The following USP33 variants were observed in gnomAD, a reference collection of about 807,000 sequenced individuals.
The protein encoded by USP33 is ubiquitin specific peptidase 33, also known as ubiquitin carboxyl-terminal hydrolase 33.
A neutral mutation model predicts 124.2 loss-of-function variants in USP33; 46 were observed. The ratio of observed to expected loss-of-function variants is 0.37; its 90% CI spans 0.29 to 0.47. The LOEUF (loss-of-function observed/expected upper bound fraction) is 0.47. USP33 is among the 20% of genes least tolerant of loss of function. USP33 has a pLI of 0.99. For synonymous variants in USP33, 350 were observed against 352.3 expected, an observed-to-expected ratio of 0.99 and a Z score of 0.07; for missense variants, 851 against 1,070.6, an observed-to-expected ratio of 0.79 and a Z score of 2.86.
At chr1:77,758,348 T>C (rs984441572) in intron 1 of USP33, among the ~76,000 whole-genome samples, 4 of 152,028 alleles carry the variant, frequency 2.6e-5, no homozygotes, top group African/African-American at 9.7e-5. Flanking sequence ...GCCCGGCTAA[T>C]TTTTTGTAAT....
rs573637579 is a variant in USP33, at chr1:77,719,232, G to A, written c.1692-591C>T. ...AAATTAGCCGGGCATGGTGGCGCAC[G>A]CCTGTAGTCCCAGCTATTCATGAGG... On this transcript the variant is annotated intron_variant, in intron 15 of 23. Coordinates refer to ENST00000370794, the MANE Select transcript of USP33 (RefSeq NM_201624.3). 9.2e-5 allele frequency among the ~76,000 whole-genome samples: 14 copies of A among 152,188 alleles called. No homozygotes were observed. In the East Asian group the frequency reaches 1.7e-3, roughly 19 times the overall value.
chr1:77,719,849 C>A (rs1676353654), intron 15 of USP33, among the ~76,000 whole-genome samples: 1 of 128,638 alleles, frequency 7.8e-6, no homozygotes, highest in South Asian at 2.7e-4. Flanking sequence ...GCAAGGCTCC[C>A]TCTCAAGAAA....
At chr1:77,720,192 AAACCTTTATTCTTACATGTGG>A in intron 15 of USP33, 5 of 461,900 alleles carry the variant, frequency 1.1e-5, no homozygotes, top group Non-Finnish European at 1.4e-5. Context: ...AAAAAAAAAA[AAACCTTTATTCTTACATGTGG>A]AAAAAAAGAT....
intron 8 of USP33, 102 bp downstream of exon 8, chr1:77,730,516 T>C (rs1391581194): frequency 2.4e-6 from 2 of 817,358 alleles, no homozygotes; most frequent in African/African-American, 1.8e-5. Context: ...TCTATCTCTC[T>C]TCTACTTTTT....
At chr1:77,753,224 C>T (rs1680503416) in intron 1 of USP33, among the ~76,000 whole-genome samples, 7 of 152,036 alleles carry the variant, frequency 4.6e-5, no homozygotes, top group Admixed American at 4.6e-4. Flanking sequence ...ATTCTAGACC[C>T]TTGAAGAAGT....
At chr1:77,708,980 T>C (rs1218484756) in intron 21 of USP33, among the ~76,000 whole-genome samples, 1 of 152,122 alleles carries the variant, frequency 6.6e-6, no homozygotes, top group Non-Finnish European at 1.5e-5. Context: ...CACACCCAAC[T>C]AATTGATTTG....
At chr1:77,705,346 C>G (rs1347082267) in intron 21 of USP33, among the ~76,000 whole-genome samples, 8 of 152,004 alleles carry the variant, frequency 5.3e-5, no homozygotes, top group African/African-American at 1.9e-4. Context: ...AGGCACCCGC[C>G]ACCATGCCTG....
At chr1:77,699,237 C>T (rs1054272934) in intron 22 of USP33, among the ~76,000 whole-genome samples, 8 of 152,158 alleles carry the variant, frequency 5.3e-5, no homozygotes, top group African/African-American at 1.4e-4. Context: ...AGTCAAGAAA[C>T]AGGCTGGGCC....
At chr1:77,702,453 A>T (rs1210955796) in intron 21 of USP33, among the ~76,000 whole-genome samples, 1 of 152,164 alleles carries the variant, frequency 6.6e-6, no homozygotes, top group African/African-American at 2.4e-5. Context: ...TGCTATTACC[A>T]TGCTGCAATG....
intron 16 of USP33, 62 bp from the exon 17 acceptor site, chr1:77,718,109 G>C: frequency 7.3e-7 from 1 of 1,372,700 alleles, no homozygotes; most frequent in Non-Finnish European, 9.9e-7. Flanking sequence ...CATTATAACA[G>C]GTAAAACTTA....
chr1:77,759,596 CG>C (rs1353108808), intron 1 of USP33, 46 bp downstream of exon 1: 6 of 398,146 alleles, frequency 1.5e-5, no homozygotes, highest in Non-Finnish European at 2.7e-5. Context: ...CGGACGCGAG[CG>C]AAACGCCCTT....
intron 21 of USP33, among the ~76,000 whole-genome samples, chr1:77,705,985 G>A (rs1183495599): frequency 3.3e-5 from 5 of 152,172 alleles, no homozygotes; most frequent in South Asian, 4.2e-4. Flanking sequence ...GGATCAGTAC[G>A]CCATGATCTT....
chr1:77,717,762 C>G, intron 17 of USP33, 105 bp downstream of exon 17: 1 of 1,056,284 alleles, frequency 9.5e-7, no homozygotes, highest in Non-Finnish European at 1.3e-6. Flanking sequence ...GATTCTCCCA[C>G]CTCATTCTCC....
intron 1 of USP33, 64 bp from the exon 2 acceptor site, chr1:77,741,812 A>C (rs753756348): frequency 1.9e-5 from 26 of 1,379,016 alleles, no homozygotes; most frequent in African/African-American, 4.4e-5. Flanking sequence ...AAAGATTCCA[A>C]AAAATAAAAA....
At chr1:77,697,733 C>T in intron 23 of USP33, 130 bp downstream of exon 23, 1 of 1,053,262 alleles carries the variant, frequency 9.5e-7, no homozygotes, top group Non-Finnish European at 1.4e-6. Context: ...CTTTTCATTA[C>T]TTGCCCTAGT....
chr1:77,714,523 TA>T (rs1260321092), intron 19 of USP33, 90 bp downstream of exon 19: 5 of 1,317,924 alleles, frequency 3.8e-6, no homozygotes, highest in Non-Finnish European at 5.3e-6. Context: ...AAATGGGAAA[TA>T]AGTGGGAGAG....
Position 77,705,127 on chromosome 1 carries a change from A to AAG in USP33, c.2407-3657_2407-3656insCT, listed in dbSNP as rs573014965. Among the ~76,000 whole-genome samples, 23 of 139,720 alleles carry AAG rather than the reference A, an allele frequency of 1.6e-4. 1 individual carries two copies. The highest frequency in any genetic ancestry group is 6.9e-4 in the South Asian group (3 of 4,352). The allele number at this position is 139,720 out of a possible 152,430, so 91.7% of individuals were successfully genotyped here. A position where few individuals can be genotyped will look rare whatever the true frequency, so the allele number is the denominator to read the frequency against. On this transcript the variant is annotated intron_variant, in intron 21 of 23. Coordinates refer to ENST00000370794, the MANE Select transcript of USP33 (RefSeq NM_201624.3). ...CACAAATGCTTTGTTTAAAAAAAAA[A>AAG]GGGGGGGGGCTGAATAAAACAAAAA... is the stretch of plus-strand genomic sequence containing the variant.
chr1:77,742,212 T>C (rs1183592740), intron 1 of USP33, among the ~76,000 whole-genome samples: 1 of 152,092 alleles, frequency 6.6e-6, no homozygotes, highest in Non-Finnish European at 1.5e-5. Flanking sequence ...CCCCTACTGA[T>C]GGCATAAATT....
chr1:77,697,497 A>G, intron 23 of USP33, 23 bp from the exon 24 acceptor site: 1 of 1,583,998 alleles, frequency 6.3e-7, no homozygotes, highest in Non-Finnish European at 8.6e-7. Context: ...TAGAAGAAAT[A>G]ATGTTTACAA....
Sources: allele counts gnomAD v4.1 joint callset (sites outside exome capture counted in the v4.1 genomes callset), GRCh38; gene constraint gnomAD v4.1.1; transcripts MANE v1.5; gene names NCBI Gene and HGNC (gene_info 2026-07-23, HGNC 2026-07-21).